Variants in TMC1 observed in about 807,000 individuals in gnomAD.
The protein encoded by TMC1 is transmembrane channel like 1, also known as transmembrane channel-like protein 1.
In TMC1, 84 loss-of-function variants were observed where a neutral mutation model predicts 105.8. That is an observed-to-expected ratio of 0.79 (90% confidence interval 0.67 to 0.95). The LOEUF is 0.95. TMC1 is among the 40% of genes least tolerant of loss of function. TMC1 has a pLI of 0.00. For missense variants in TMC1, 817 were observed against 914.1 expected (o/e 0.89, Z 1.37); for synonymous variants, 315 against 311.5 (o/e 1.01, Z -0.12).
At chr9:72,566,624 A>G (rs896998821) in intron 1 of TMC1, among the ~76,000 whole-genome samples, 1 of 152,146 alleles carries the variant, frequency 6.6e-6, no homozygotes, top group Non-Finnish European at 1.5e-5. Flanking sequence ...CTGCAAACAG[A>G]AGGAGCCCAC....
chr9:72,561,863 C>G (rs1448283391), intron 1 of TMC1, among the ~76,000 whole-genome samples: 1 of 152,116 alleles, frequency 6.6e-6, no homozygotes, highest in Non-Finnish European at 1.5e-5. Flanking sequence ...CAAACCGGAG[C>G]GGGGTGCAGT....
intron 2 of TMC1, among the ~76,000 whole-genome samples, chr9:72,585,741 A>C (rs7853366): frequency 2.0e-5 from 3 of 151,970 alleles, no homozygotes; most frequent in Non-Finnish European, 4.4e-5. Flanking sequence ...GATGGTGTGC[A>C]GATAGGACCT....
chr9:72,620,024 G>A (rs946274929), intron 3 of TMC1, among the ~76,000 whole-genome samples: 8 of 151,732 alleles, frequency 5.3e-5, no homozygotes, highest in African/African-American at 1.2e-4. Context: ...TAGTAGAGAC[G>A]GGGTTTCACC....
At chr9:72,644,713 G>A (rs1160464022) in intron 4 of TMC1, among the ~76,000 whole-genome samples, 2 of 152,108 alleles carry the variant, frequency 1.3e-5, no homozygotes, top group Non-Finnish European at 2.9e-5. Context: ...TTTCAAGGTT[G>A]CATTTTCCTA....
At chr9:72,648,489 C>A in intron 4 of TMC1, 108 bp from the exon 5 acceptor site, 1 of 712,080 alleles carries the variant, frequency 1.4e-6, no homozygotes, top group South Asian at 1.6e-5. Flanking sequence ...TGAGTACCTT[C>A]TTAAGTTTCA....
At chr9:72,705,258 G>A (rs999214584) in intron 8 of TMC1, among the ~76,000 whole-genome samples, 11 of 152,180 alleles carry the variant, frequency 7.2e-5, no homozygotes, top group African/African-American at 1.2e-4. Context: ...ATTATATGTG[G>A]TAGATTGAAA....
At chr9:72,744,941 T>A (rs1318035882) in intron 10 of TMC1, among the ~76,000 whole-genome samples, 1 of 152,204 alleles carries the variant, frequency 6.6e-6, no homozygotes, top group African/African-American at 2.4e-5. Flanking sequence ...TTGAGAGCTA[T>A]CCAATAATAA....
intron 3 of TMC1, among the ~76,000 whole-genome samples, chr9:72,618,373 C>T (rs1347178696): frequency 1.3e-5 from 2 of 151,704 alleles, no homozygotes; most frequent in Non-Finnish European, 2.9e-5. Flanking sequence ...TTAGTATTTT[C>T]CATAATTAAG....
At chr9:72,607,549 G>A (rs1454343792) in intron 2 of TMC1, among the ~76,000 whole-genome samples, 1 of 151,098 alleles carries the variant, frequency 6.6e-6, no homozygotes, top group Non-Finnish European at 1.5e-5. Context: ...CCAGGAGGTG[G>A]AGCTTGCAGT....
At chr9:72,771,496 C>T (rs1340794266) in intron 12 of TMC1, among the ~76,000 whole-genome samples, 2 of 152,156 alleles carry the variant, frequency 1.3e-5, no homozygotes, top group Non-Finnish European at 2.9e-5. Context: ...ATGTCAAAGG[C>T]AACCAATTGG....
chr9:72,697,755 A>C (rs1161617979), intron 7 of TMC1, among the ~76,000 whole-genome samples: 2 of 152,102 alleles, frequency 1.3e-5, no homozygotes, highest in Non-Finnish European at 2.9e-5. Flanking sequence ...AATTATATGT[A>C]AATATCATGA....
At chr9:72,673,212 A>G (rs1401013992) in intron 5 of TMC1, among the ~76,000 whole-genome samples, 1 of 152,220 alleles carries the variant, frequency 6.6e-6, no homozygotes, top group Non-Finnish European at 1.5e-5. Context: ...AGCAGTATTT[A>G]GAGGAAAATT....
chr9:72,764,075 A>C (rs373590400), intron 12 of TMC1, among the ~76,000 whole-genome samples: 1 of 152,242 alleles, frequency 6.6e-6, no homozygotes. Flanking sequence ...TATAGTCAAT[A>C]ATTTAAACAC....
intron 12 of TMC1, among the ~76,000 whole-genome samples, chr9:72,759,023 TA>T (rs1391464195): frequency 1.3e-5 from 2 of 152,098 alleles, no homozygotes; most frequent in Non-Finnish European, 2.9e-5. Context: ...ATTGGGTGAC[TA>T]AAAAGGCAAA....
intron 8 of TMC1, among the ~76,000 whole-genome samples, chr9:72,701,587 G>C (rs987303926): frequency 6.6e-5 from 10 of 152,128 alleles, no homozygotes; most frequent in African/African-American, 2.4e-4. Context: ...AACTAGTAAT[G>C]CTGTAAAAAT....
intron 18 of TMC1, among the ~76,000 whole-genome samples, chr9:72,806,833 A>G (rs919842183): frequency 6.6e-6 from 1 of 151,862 alleles, no homozygotes; most frequent in African/African-American, 2.4e-5. Flanking sequence ...GCGGCCAGGC[A>G]GAGACGCTCC....
At chr9:72,540,599 T>C (rs1823658045) in intron 1 of TMC1, among the ~76,000 whole-genome samples, 1 of 152,232 alleles carries the variant, frequency 6.6e-6, no homozygotes, top group Admixed American at 6.5e-5. Flanking sequence ...CTCTTATGCC[T>C]GTTTGTCTTT....
intron 1 of TMC1, among the ~76,000 whole-genome samples, chr9:72,562,710 A>C (rs1343861176): frequency 7.9e-6 from 1 of 127,274 alleles, no homozygotes; most frequent in African/African-American, 3.7e-5. Flanking sequence ...TTTAGAAAGG[A>C]GTTTCCAAGT....
At chr9:72,684,617 T>C (rs1826346458) in intron 5 of TMC1, among the ~76,000 whole-genome samples, 2 of 152,176 alleles carry the variant, frequency 1.3e-5, no homozygotes, top group South Asian at 4.1e-4. Flanking sequence ...ATATTTCCAG[T>C]CCAGACCTTT....
Sources: gnomAD v4.1 joint callset for allele counts (sites outside exome capture counted in the v4.1 genomes callset) on GRCh38, gnomAD v4.1.1 for gene constraint, MANE v1.5 for transcripts, NCBI Gene and HGNC (gene_info 2026-07-23, HGNC 2026-07-21) for gene names.